Variants in PCDH9 observed in about 807,000 individuals in gnomAD.
PCDH9 encodes protocadherin-9.
A neutral mutation model predicts 70.6 loss-of-function variants in PCDH9; 24 were observed. That is an observed-to-expected ratio of 0.34 (90% CI 0.25 to 0.48). The LOEUF (loss-of-function observed/expected upper bound fraction) is 0.48, where lower values mean the gene tolerates loss of function less well. PCDH9 is among the 20% of genes least tolerant of loss of function. The pLI, the probability that PCDH9 is intolerant of heterozygous loss-of-function variation, is 0.99. For synonymous variants in PCDH9, 562 were observed against 558.5 expected (o/e 1.01, Z -0.09); for missense variants, 1,281 against 1,503.6 (o/e 0.85, Z 2.45).
intron 2 of PCDH9, among the ~76,000 whole-genome samples, chr13:66,996,975 G>C (rs2084130033): frequency 6.6e-6 from 1 of 152,160 alleles, no homozygotes; most frequent in Non-Finnish European, 1.5e-5. Flanking sequence ...AGTTTGATTA[G>C]ATATGAAAGA....
chr13:66,477,285 T>G (rs886581150), intron 4 of PCDH9, among the ~76,000 whole-genome samples: 2 of 152,122 alleles, frequency 1.3e-5, no homozygotes, highest in African/African-American at 2.4e-5. Flanking sequence ...GAAACTCAGT[T>G]TGCTCACCTA....
intron 4 of PCDH9, among the ~76,000 whole-genome samples, chr13:66,394,595 A>G (rs1332509304): frequency 6.6e-6 from 1 of 152,178 alleles, no homozygotes; most frequent in Non-Finnish European, 1.5e-5. Context: ...CAAACTATAA[A>G]AAAGGACTGA....
chr13:66,444,696 G>A (rs1368903465), intron 4 of PCDH9, among the ~76,000 whole-genome samples: 2 of 152,100 alleles, frequency 1.3e-5, no homozygotes, highest in Non-Finnish European at 2.9e-5. Flanking sequence ...GAGGAGCTGG[G>A]ACTATAGGCA....
At chr13:67,018,585 C>T (rs1026254177) in intron 2 of PCDH9, among the ~76,000 whole-genome samples, 6 of 141,866 alleles carry the variant, frequency 4.2e-5, no homozygotes, top group Admixed American at 2.2e-4. Flanking sequence ...TGCCACTGCA[C>T]TTCAGCCTGG....
intron 4 of PCDH9, among the ~76,000 whole-genome samples, chr13:66,365,689 A>G (rs989203191): frequency 3.3e-5 from 5 of 152,198 alleles, no homozygotes; most frequent in African/African-American, 1.2e-4. Context: ...GAATGCAACT[A>G]CCAAATCCAT....
At chr13:66,351,737 A>C (rs1300469159) in intron 4 of PCDH9, among the ~76,000 whole-genome samples, 2 of 152,088 alleles carry the variant, frequency 1.3e-5, no homozygotes. Context: ...TCAGTATTCC[A>C]AGCTATATCT....
At chr13:67,101,316 GA>G (rs954829291) in intron 2 of PCDH9, among the ~76,000 whole-genome samples, 3 of 151,870 alleles carry the variant, frequency 2.0e-5, no homozygotes, top group East Asian at 3.9e-4. Flanking sequence ...TGTGCAGCTG[GA>G]AAAAAAAGTT....
At position 67,094,380 on chromosome 13, in the gene PCDH9, T is replaced by C. The variant is rs187957273; in HGVS notation, c.3036+131025A>G. 8.1e-4 allele frequency among the ~76,000 whole-genome samples: 123 copies of C among 152,280 alleles called. 5 individuals are homozygous for C. In the East Asian group the frequency reaches 0.02, roughly 24 times the overall value. ...CAGATGTAGCTTAACACTATGTAGG[T>C]AGCTCTGCAAAGAAAGCTAATAGTC... On this transcript the variant is annotated intron_variant, in intron 2 of 4. Transcript: ENST00000377865.
chr13:66,717,040 T>G (rs1045045339), intron 3 of PCDH9, among the ~76,000 whole-genome samples: 1 of 152,120 alleles, frequency 6.6e-6, no homozygotes, highest in Non-Finnish European at 1.5e-5. Flanking sequence ...TGATTTTTCA[T>G]GTGTATATTC....
chr13:66,408,279 C>G (rs912413350), intron 4 of PCDH9, among the ~76,000 whole-genome samples: 1 of 151,812 alleles, frequency 6.6e-6, no homozygotes, highest in Non-Finnish European at 1.5e-5. Flanking sequence ...AGGATGGTCT[C>G]GATCTCCCAG....
intron 3 of PCDH9, among the ~76,000 whole-genome samples, chr13:66,744,090 G>T (rs140808983): frequency 5.9e-5 from 9 of 152,222 alleles, no homozygotes; most frequent in Non-Finnish European, 1.3e-4. Flanking sequence ...AAATCTTCTC[G>T]CAAAATCATG....
intron 2 of PCDH9, among the ~76,000 whole-genome samples, chr13:66,973,013 T>C (rs540181321): frequency 6.6e-6 from 1 of 152,030 alleles, no homozygotes; most frequent in Non-Finnish European, 1.5e-5. Flanking sequence ...CTGTTTTCCA[T>C]GTAGTATATC....
intron 3 of PCDH9, among the ~76,000 whole-genome samples, chr13:66,706,218 T>G (rs1409611308): frequency 6.6e-6 from 1 of 152,188 alleles, no homozygotes; most frequent in African/African-American, 2.4e-5. Flanking sequence ...AGCGGCATCA[T>G]TATTGTCAGC....
chr13:66,513,209 T>TC (rs55902658), intron 4 of PCDH9, among the ~76,000 whole-genome samples: 2 of 150,978 alleles, frequency 1.3e-5, no homozygotes, highest in East Asian at 2.0e-4. Flanking sequence ...TTTTTTTTTT[T>TC]CCTGTCAGGA....
At chr13:66,449,892 TGA>T (rs1958171509) in intron 4 of PCDH9, among the ~76,000 whole-genome samples, 1 of 152,176 alleles carries the variant, frequency 6.6e-6, no homozygotes, top group Admixed American at 6.6e-5. Flanking sequence ...TAATTGTATG[TGA>T]GAGACCTTTT....
At chr13:66,404,741 T>C (rs1046123257) in intron 4 of PCDH9, among the ~76,000 whole-genome samples, 3 of 152,102 alleles carry the variant, frequency 2.0e-5, no homozygotes, top group Non-Finnish European at 4.4e-5. Context: ...TAGAACTAAA[T>C]AATATTTCAA....
At chr13:66,475,173 A>G (rs1043951738) in intron 4 of PCDH9, among the ~76,000 whole-genome samples, 1 of 152,110 alleles carries the variant, frequency 6.6e-6, no homozygotes, top group Non-Finnish European at 1.5e-5. Flanking sequence ...GCACAGAGGA[A>G]AGCATTTGTT....
At chr13:66,402,677 T>C (rs1182535473) in intron 4 of PCDH9, among the ~76,000 whole-genome samples, 2 of 152,170 alleles carry the variant, frequency 1.3e-5, no homozygotes, top group Non-Finnish European at 1.5e-5. Context: ...ATGTAATATG[T>C]TAAATTTACC....
intron 4 of PCDH9, among the ~76,000 whole-genome samples, chr13:66,326,519 C>T (rs1431895466): frequency 1.3e-5 from 2 of 151,914 alleles, no homozygotes; most frequent in Admixed American, 6.6e-5. Flanking sequence ...CCCGGGTTTA[C>T]GCCATTCTCC....
Sources: gnomAD v4.1 joint callset for allele counts (sites outside exome capture counted in the v4.1 genomes callset) on GRCh38, gnomAD v4.1.1 for gene constraint, MANE v1.5 for transcripts, NCBI Gene and HGNC (gene_info 2026-07-23, HGNC 2026-07-21) for gene names.